Variants in CAP2 observed in about 807,000 individuals in gnomAD.
CAP2 encodes the protein cyclase associated actin cytoskeleton regulatory protein 2.
A neutral mutation model predicts 57.7 loss-of-function variants in CAP2; 24 were observed. That is an observed-to-expected ratio of 0.42 (90% confidence interval 0.30 to 0.58). The LOEUF is 0.58. Ranked by LOEUF, CAP2 falls within the 20% of genes least tolerant of loss-of-function variation. CAP2 has a pLI of 0.22. For missense variants in CAP2, 501 were observed against 590.3 expected (o/e 0.85, Z 1.57); for synonymous variants, 194 against 207.2 (o/e 0.94, Z 0.55).
At chr6:17,395,299 T>C (rs749969965) in intron 1 of CAP2, among the ~76,000 whole-genome samples, 34 of 152,338 alleles carry the variant, frequency 2.2e-4, no homozygotes, top group Non-Finnish European at 4.6e-4. Context: ...ACAGTTATAG[T>C]TTGAAAGCAG....
chr6:17,434,471 C>T (rs1759822343), intron 3 of CAP2, among the ~76,000 whole-genome samples: 1 of 152,102 alleles, frequency 6.6e-6, no homozygotes, highest in South Asian at 2.1e-4. Flanking sequence ...TCAAGTGATC[C>T]ACCTGCCTCG....
intron 4 of CAP2, among the ~76,000 whole-genome samples, chr6:17,483,021 T>C (rs1373693502): frequency 6.6e-6 from 1 of 152,232 alleles, no homozygotes; most frequent in Non-Finnish European, 1.5e-5. Flanking sequence ...CAATAACTGC[T>C]TCTTCTCTCT....
At chr6:17,546,182 C>G (rs1763041576) in intron 11 of CAP2, among the ~76,000 whole-genome samples, 1 of 152,200 alleles carries the variant, frequency 6.6e-6, no homozygotes, top group African/African-American at 2.4e-5. Context: ...GTTCCTATTT[C>G]TCCACATCCT....
intron 11 of CAP2, 111 bp downstream of exon 11, chr6:17,543,254 T>C (rs1227641364): frequency 2.3e-6 from 2 of 857,316 alleles, no homozygotes; most frequent in African/African-American, 3.3e-5. Flanking sequence ...CCAACCACGC[T>C]GTAATAAGCA....
chr6:17,546,916 G>A (rs539384047), intron 11 of CAP2, among the ~76,000 whole-genome samples: 101 of 152,270 alleles, frequency 6.6e-4, no homozygotes, highest in African/African-American at 2.3e-3. Context: ...TGACATGATT[G>A]TATATCTAGG....
At chr6:17,536,878 G>T (rs896935734) in intron 7 of CAP2, among the ~76,000 whole-genome samples, 3 of 152,048 alleles carry the variant, frequency 2.0e-5, no homozygotes, top group Non-Finnish European at 2.9e-5. Context: ...CTCTCTTTCT[G>T]ATTCAGAGCA....
chr6:17,538,461 A>T (rs1191547308), intron 7 of CAP2, among the ~76,000 whole-genome samples: 1 of 152,166 alleles, frequency 6.6e-6, no homozygotes, highest in East Asian at 1.9e-4. Flanking sequence ...TCTCCTTAAA[A>T]AAAAGCAAAA....
chr6:17,407,119 C>T (rs1758999723), intron 1 of CAP2, among the ~76,000 whole-genome samples: 1 of 152,052 alleles, frequency 6.6e-6, no homozygotes, highest in African/African-American at 2.4e-5. Context: ...CCCTGGTAGC[C>T]CCTTCCTCTT....
At chr6:17,415,620 T>C (rs1361686777) in intron 1 of CAP2, among the ~76,000 whole-genome samples, 2 of 152,204 alleles carry the variant, frequency 1.3e-5, no homozygotes, top group Admixed American at 1.3e-4. Flanking sequence ...TAGGGCACCA[T>C]GCTGGACTCA....
intron 3 of CAP2, among the ~76,000 whole-genome samples, chr6:17,438,365 C>T (rs933680556): frequency 6.4e-5 from 9 of 141,502 alleles, no homozygotes; most frequent in African/African-American, 1.1e-4. Context: ...GATTCCATCT[C>T]GAAAAACAAA....
At chr6:17,416,670 G>T (rs1308301928) in intron 1 of CAP2, among the ~76,000 whole-genome samples, 1 of 152,206 alleles carries the variant, frequency 6.6e-6, no homozygotes, top group Non-Finnish European at 1.5e-5. Flanking sequence ...TTAGACATAA[G>T]GGGGAAGGGA....
chr6:17,436,440 G>A (rs1038455945), intron 3 of CAP2, among the ~76,000 whole-genome samples: 31 of 152,130 alleles, frequency 2.0e-4, no homozygotes, highest in Admixed American at 1.6e-3. Context: ...GCCCAAACAA[G>A]GGAATTTGAG....
chr6:17,529,651 A>AAAAAAAATATATAT (rs10656588), intron 7 of CAP2, among the ~76,000 whole-genome samples: 27 of 134,534 alleles, frequency 2.0e-4, no homozygotes, highest in African/African-American at 5.9e-4. Context: ...AAAAAAAAAA[A>AAAAAAAATATATAT]ATATATATAT....
chr6:17,450,369 A>C (rs778388969), intron 3 of CAP2, among the ~76,000 whole-genome samples: 2 of 152,104 alleles, frequency 1.3e-5, no homozygotes, highest in Non-Finnish European at 2.9e-5. Context: ...CCTTTGATCT[A>C]TTTGATGTAC....
At chr6:17,403,166 A>C (rs1046504067) in intron 1 of CAP2, among the ~76,000 whole-genome samples, 9 of 152,186 alleles carry the variant, frequency 5.9e-5, no homozygotes, top group Non-Finnish European at 8.8e-5. Context: ...CAGTGGCACG[A>C]TCTTGGCTCA....
At chr6:17,459,720 A>C (rs1031877800) in intron 3 of CAP2, among the ~76,000 whole-genome samples, 2 of 151,896 alleles carry the variant, frequency 1.3e-5, no homozygotes, top group Non-Finnish European at 2.9e-5. Flanking sequence ...ATTAATGCAA[A>C]AAAGATATGT....
intron 1 of CAP2, among the ~76,000 whole-genome samples, chr6:17,412,174 T>C (rs921158148): frequency 6.6e-6 from 1 of 151,928 alleles, no homozygotes; most frequent in African/African-American, 2.4e-5. Flanking sequence ...CTCACTGGGC[T>C]CCCTCCTGCC....
chr6:17,460,561 G>A (rs1760690860), intron 3 of CAP2, among the ~76,000 whole-genome samples: 1 of 152,184 alleles, frequency 6.6e-6, no homozygotes, highest in African/African-American at 2.4e-5. Context: ...CAAGAAGTCA[G>A]TCAATACTAT....
At chr6:17,437,348 G>A (rs1427865857) in intron 3 of CAP2, among the ~76,000 whole-genome samples, 1 of 152,110 alleles carries the variant, frequency 6.6e-6, no homozygotes, top group Non-Finnish European at 1.5e-5. Context: ...TAGGCGGGAT[G>A]CTGGGTGAAG....
Sources: gnomAD v4.1 joint callset for allele counts (sites outside exome capture counted in the v4.1 genomes callset) on GRCh38, gnomAD v4.1.1 for gene constraint, MANE v1.5 for transcripts, NCBI Gene and HGNC (gene_info 2026-07-23, HGNC 2026-07-21) for gene names.